The following THSD7A variants were observed in gnomAD, a reference collection of about 807,000 sequenced individuals.
THSD7A encodes thrombospondin type 1 domain containing 7A, also known as thrombospondin type-1 domain-containing protein 7A.
THSD7A carries 96 observed loss-of-function variants against 231.3 expected under a neutral mutation model. The ratio of observed to expected loss-of-function variants is 0.41; its 90% CI spans 0.35 to 0.49. The LOEUF (loss-of-function observed/expected upper bound fraction) is 0.49. Among genes scored for constraint, THSD7A ranks in the 20% least tolerant of loss-of-function variants. The probability of loss-of-function intolerance (pLI) is 0.05; values close to 1 mark genes in which losing one functional copy is unlikely to be tolerated. For missense variants in THSD7A, 2,290 were observed against 2,070.2 expected (o/e 1.11, Z -2.06); for synonymous variants, 940 against 743.3 (o/e 1.26, Z -4.30).
intron 6 of THSD7A, chr7:11,520,074 C>T (rs984207331): frequency 6.6e-6 from 1 of 152,094 alleles, no homozygotes; most frequent in Non-Finnish European, 1.5e-5. Flanking sequence ...CCTGAGAAAC[C>T]GAATTAATCT....
intron 13 of THSD7A, among the ~76,000 whole-genome samples, chr7:11,440,080 A>G (rs1481439601): frequency 2.6e-5 from 4 of 152,106 alleles, no homozygotes; most frequent in Admixed American, 1.3e-4. Flanking sequence ...CCCATTTACC[A>G]TTCTGAAAAT....
At chr7:11,705,106 G>A (rs1394031799) in intron 1 of THSD7A, among the ~76,000 whole-genome samples, 7 of 151,040 alleles carry the variant, frequency 4.6e-5, no homozygotes, top group Non-Finnish European at 8.9e-5. Context: ...TAAAAGTGCT[G>A]TTGGATTATG....
At position 11,417,456 on chromosome 7, in the gene THSD7A, A is replaced by C. The variant is rs1783997992; in HGVS notation, c.3531T>G (p.Cys1177Trp). The C allele has an allele frequency of 6.3e-7, 1 of 1,593,268 alleles. No homozygotes were observed. Among genetic ancestry groups the C allele is most frequent in the Non-Finnish European group, 8.5e-7 (1 of 1,174,240 alleles). Residue 1177 changes from cysteine (C) to tryptophan (W), a missense_variant, in exon 17 of 28, where the codon TGT (cysteine) becomes TGG (tryptophan). By Grantham distance (215) the Cys-to-Trp change is radical (BLOSUM62 -2). Transcript: ENST00000423059. ...AAAAGGTTAATCATCTCACCAAAAC[A>C]CATTGGGTCCATGGACCCCATTCAG... ...VISEWGPWTQ[C>W]VLPCNQSSFR... is the part of the protein sequence containing the mutation.
In THSD7A at chr7:11,477,499, A is replaced by G. The variant is rs555843254; in HGVS notation, c.2018-2931T>C. The stretch of plus-strand genomic sequence containing the variant: ...CTATTAGGGAAATATTTGAGACTAT[A>G]TAACTACAATGCTTTTAATGAGATT... On this transcript the variant is annotated intron_variant, in intron 7 of 27. Coordinates refer to ENST00000423059, the MANE Select transcript of THSD7A (RefSeq NM_015204.3). Among the ~76,000 whole-genome samples, 153 of 147,998 alleles carry G rather than the reference A, an allele frequency of 1.0e-3. 2 individuals carry two copies. The highest frequency in any genetic ancestry group is 1.3e-3 in the Non-Finnish European group (83 of 65,572).
At position 11,637,782 on chromosome 7, in the gene THSD7A, G is replaced by T. The variant is rs557938369; in HGVS notation, c.191-821C>A. Among the ~76,000 whole-genome samples the T allele has an allele frequency of 9.9e-5, 15 of 151,866 alleles. No individual in the cohort carries two copies. The highest frequency in any genetic ancestry group is 7.9e-4 in the Admixed American group (12 of 15,242). On this transcript the variant is annotated intron_variant, in intron 1 of 27. Coordinates refer to ENST00000423059, the MANE Select transcript of THSD7A (RefSeq NM_015204.3). The surrounding 1 kb of genome is among the most constrained non-coding windows in gnomAD (Gnocchi z 4.2). ...ATCAGTGGCTTTAATATGAAATATG[G>T]GTTTTTTTCTGTGAAATCCTTCTTA...
At chr7:11,554,007 T>C (rs1789738978) in intron 4 of THSD7A, among the ~76,000 whole-genome samples, 1 of 152,014 alleles carries the variant, frequency 6.6e-6, no homozygotes, top group Non-Finnish European at 1.5e-5. Flanking sequence ...TGTAGATTGA[T>C]ATGAAATTGT....
intron 1 of THSD7A, among the ~76,000 whole-genome samples, chr7:11,668,219 C>A (rs1321218243): frequency 1.3e-5 from 2 of 152,098 alleles, no homozygotes; most frequent in Non-Finnish European, 2.9e-5. Context: ...GAGGCCGAGA[C>A]CTTCCTGGCC....
chr7:11,630,078 T>C (rs181554600), intron 2 of THSD7A, among the ~76,000 whole-genome samples: 2 of 152,346 alleles, frequency 1.3e-5, no homozygotes, highest in East Asian at 3.9e-4. Flanking sequence ...GAAATTCCAT[T>C]CTTGTTGATT....
intron 1 of THSD7A, among the ~76,000 whole-genome samples, chr7:11,670,409 C>G (rs1363254787): frequency 6.6e-6 from 1 of 152,222 alleles, no homozygotes; most frequent in Admixed American, 6.5e-5. Flanking sequence ...ATCACACAAT[C>G]TGGTTGGAGC....
intron 2 of THSD7A, among the ~76,000 whole-genome samples, chr7:11,619,329 A>T (rs1428325405): frequency 1.3e-5 from 2 of 151,310 alleles, no homozygotes; most frequent in East Asian, 3.9e-4. Context: ...TCTTGATATG[A>T]TTTATGTATT....
chr7:11,688,061 T>TC (rs1780116017), intron 1 of THSD7A, among the ~76,000 whole-genome samples: 1 of 49,402 alleles, frequency 2.0e-5, no homozygotes. Flanking sequence ...CCCTCCCCCC[T>TC]CCCCCACCCC....
intron 1 of THSD7A, among the ~76,000 whole-genome samples, chr7:11,803,667 C>G (rs1784334041): frequency 1.3e-5 from 2 of 152,174 alleles, no homozygotes; most frequent in South Asian, 4.1e-4. Flanking sequence ...ATAAGAATCC[C>G]TGTTAACATA....
At chr7:11,407,076 T>C in intron 20 of THSD7A, 21 bp from the exon 21 acceptor site, 1 of 1,612,846 alleles carries the variant, frequency 6.2e-7, no homozygotes, top group East Asian at 2.2e-5. Context: ...TACAAAGTGA[T>C]GCACCTTTAA....
chr7:11,423,369 G>C (rs1784214008), intron 16 of THSD7A, among the ~76,000 whole-genome samples: 1 of 107,896 alleles, frequency 9.3e-6, no homozygotes, highest in Middle Eastern at 4.8e-3. Context: ...CCGAGTGCTG[G>C]ATTTTTTTTT....
rs144209881 is a variant in THSD7A at position 11,471,476 on chromosome 7, A to G, written c.2253-1482T>C. ...ATTTTGCTGATACTTCATTTTTGACATATCTTGTATTATAAGTATTTATGT... is the reference window on the plus strand; with the variant it reads ...ATTTTGCTGATACTTCATTTTTGACGTATCTTGTATTATAAGTATTTATGT... On this transcript the variant is annotated intron_variant, in intron 8 of 27. Transcript: ENST00000423059. Among the ~76,000 whole-genome samples the G allele has an allele frequency of 1.4e-3, 207 of 152,118 alleles. 4 individuals are homozygous for G. In the East Asian group the frequency reaches 0.037, roughly 27 times the overall value.
intron 1 of THSD7A, among the ~76,000 whole-genome samples, chr7:11,795,071 G>C (rs1054137021): frequency 5.9e-5 from 9 of 151,790 alleles, no homozygotes; most frequent in African/African-American, 2.2e-4. Context: ...CAGGTGAGTT[G>C]TTTTTTAAAT....
At chr7:11,825,791 T>G (rs999064620) in intron 1 of THSD7A, among the ~76,000 whole-genome samples, 4 of 152,122 alleles carry the variant, frequency 2.6e-5, no homozygotes, top group African/African-American at 9.7e-5. Context: ...TGCCCCAGAT[T>G]GATTAACGCT....
chr7:11,635,311 G>A (rs764357993), intron 2 of THSD7A, among the ~76,000 whole-genome samples: 3 of 152,044 alleles, frequency 2.0e-5, no homozygotes, highest in Non-Finnish European at 2.9e-5. Flanking sequence ...TTCTGAAAAA[G>A]CAATTATGCA....
chr7:11,475,539 A>T (rs1300950511), intron 7 of THSD7A, among the ~76,000 whole-genome samples: 1 of 150,296 alleles, frequency 6.7e-6, no homozygotes, highest in Non-Finnish European at 1.5e-5. Flanking sequence ...TTTACTTAGA[A>T]ATCAGGGTTA....
Sources: allele counts gnomAD v4.1 joint callset (sites outside exome capture counted in the v4.1 genomes callset), GRCh38; gene constraint gnomAD v4.1.1; non-coding constraint Gnocchi (gnomAD v3.1); transcripts MANE v1.5; gene names NCBI Gene and HGNC (gene_info 2026-07-23, HGNC 2026-07-21).